Variants in GGA1 observed in about 807,000 individuals in gnomAD.
The protein encoded by GGA1 is golgi associated, gamma adaptin ear containing, ARF binding protein 1, also known as ADP-ribosylation factor-binding protein GGA1.
Under a neutral mutation model 76.9 loss-of-function variants are expected in GGA1, and 18 were observed. The observed-to-expected ratio is 0.23, with a 90% CI of 0.16 to 0.35. GGA1 has a LOEUF of 0.35. GGA1 is among the 10% of genes least tolerant of loss of function. The pLI is 1.00. For missense variants in GGA1, 755 were observed against 859.0 expected, an observed-to-expected ratio of 0.88 and a Z score of 1.51; for synonymous variants, 342 against 354.7, an observed-to-expected ratio of 0.96 and a Z score of 0.40.
intron 4 of GGA1, chr22:37,619,999 C>A: frequency 1.6e-6 from 1 of 620,276 alleles, no homozygotes. Context: ...TCTGCATCCT[C>A]ACCATGGTGC....
chr22:37,608,960 G>T lies in GGA1; in HGVS notation c.43+57G>T, dbSNP rs888513474. The T allele has an allele frequency of 8.2e-6, 11 of 1,334,026 alleles. No individual in the cohort carries two copies. In the African/African-American group the frequency reaches 1.4e-4, roughly 17 times the overall value. The allele number at this position is 1,334,026 out of a possible 1,614,324, so 82.6% of individuals were successfully genotyped here. ...GGAACCGGAACCGGGGGCACGAGGC[G>T]GGCCCCTTCCCGGCGGGGGCGGGGT... On this transcript the variant is annotated intron_variant, in intron 1 of 16. Coordinates refer to ENST00000343632, the MANE Select transcript of GGA1 (RefSeq NM_013365.5).
Position 37,624,822 on chromosome 22 carries a change from G to A in GGA1, c.833-147G>A. 9.1e-7 allele frequency: 1 copy of A among 1,104,366 alleles called. No individual in the cohort carries two copies. Among genetic ancestry groups the A allele is most frequent in the Non-Finnish European group, 1.3e-6 (1 of 787,342 alleles). 68.4% of individuals were successfully genotyped at this position (1,104,366 alleles called of 1,614,324 possible). A position where few individuals can be genotyped will look rare whatever the true frequency, so the allele number is the denominator to read the frequency against. ...AGACCAGGGAGGTGGCGGAGGGCCA[G>A]AGTCTCAGCAGACGAGATGGGCTGT... On this transcript the variant is annotated intron_variant, in intron 9 of 16. Transcript: ENST00000343632. This position sits in a 1 kb window ranked among gnomAD's most constrained non-coding sequence, Gnocchi z 4.3.
intron 1 of GGA1, among the ~76,000 whole-genome samples, chr22:37,611,853 T>C (rs1447599922): frequency 3.9e-5 from 6 of 152,242 alleles, no homozygotes; most frequent in Non-Finnish European, 8.8e-5. Flanking sequence ...TATTTTGTCA[T>C]CCAAAATCAA....
chr22:37,629,624 T>TTGAGTAG, intron 12 of GGA1, 98 bp downstream of exon 12: 1 of 749,254 alleles, frequency 1.3e-6, no homozygotes, highest in Non-Finnish European at 2.1e-6. Context: ...GGATGGGCTC[T>TTGAGTAG]ACTCAAGAGC....
chr22:37,617,116 G>A lies in GGA1; in HGVS notation c.204+119G>A, dbSNP rs894069304. The A allele has an allele frequency of 1.6e-5, 24 of 1,522,526 alleles. No homozygotes were observed. The Admixed American group carries it at 5.0e-4, about 32-fold the overall frequency. 94.3% of individuals were successfully genotyped at this position (1,522,526 alleles called of 1,614,324 possible). A position where few individuals can be genotyped will look rare whatever the true frequency, so the allele number is the denominator to read the frequency against. The stretch of plus-strand genomic sequence containing the variant: ...GAGCCCAAGAGAGTTGTGCTAAGAT[G>A]GCCCAGGATGGAGGTCCGGGCCTGC... On this transcript the variant is annotated intron_variant, in intron 3 of 16. Transcript: ENST00000343632.
In GGA1 at chr22:37,614,299, G is replaced by T. The variant is rs1254131355; in HGVS notation, c.128+25G>T. 3 of 1,461,146 alleles carry T rather than the reference G, an allele frequency of 2.1e-6. No homozygotes were observed. In the African/African-American group the frequency reaches 4.2e-5, roughly 20 times the overall value. 90.5% of individuals were successfully genotyped at this position (1,461,146 alleles called of 1,614,324 possible). ...GGTAGGTGGCCGTCCCCACTTGTTT[G>T]CACTGCCCTGCACTCTCCAGAACCC... is the stretch of plus-strand genomic sequence containing the variant. On this transcript the variant is annotated intron_variant, in intron 2 of 16. Coordinates refer to ENST00000343632, the MANE Select transcript of GGA1 (RefSeq NM_013365.5).
intron 11 of GGA1, among the ~76,000 whole-genome samples, chr22:37,628,996 C>T (rs991682935): frequency 2.0e-5 from 3 of 152,224 alleles, no homozygotes; most frequent in East Asian, 1.9e-4. Context: ...GCCCTGTCCT[C>T]GTATTCTTGG....
Position 37,625,050 on chromosome 22 carries a change from G to A in GGA1, c.914G>A (p.Gly305Asp), listed in dbSNP as rs776262011. Reference sequence around the variant, plus strand: ...CTGGTGCGGGGTGAGGAGGTCAACGGTGATGCCACAGCCGGCTCCATCCCT... The same window carrying A: ...CTGGTGCGGGGTGAGGAGGTCAACGATGATGCCACAGCCGGCTCCATCCCT... The part of the protein sequence containing the change: ...KQLVRGEEVN[G>D]DATAGSIPGS... Residue 305 changes from glycine (G) to aspartate (D), a missense_variant, in exon 10 of 17, where the codon GGT (glycine) becomes GAT (aspartate). Gly to Asp is a moderately conservative substitution (Grantham distance 94). Transcript: ENST00000343632. The surrounding 1 kb of genome is among the most constrained non-coding windows in gnomAD (Gnocchi z 4.1). The A allele has an allele frequency of 2.5e-6, 4 of 1,599,528 alleles. No homozygotes were observed. Among genetic ancestry groups the A allele is most frequent in the Non-Finnish European group, 3.4e-6 (4 of 1,173,760 alleles).
intron 2 of GGA1, among the ~76,000 whole-genome samples, chr22:37,615,909 C>T (rs971076148): frequency 4.0e-5 from 6 of 151,454 alleles, no homozygotes; most frequent in Non-Finnish European, 8.8e-5. Flanking sequence ...GGCACGATCT[C>T]GGCTCACTGC....
intron 7 of GGA1, 86 bp downstream of exon 7, chr22:37,621,782 A>C: frequency 1.2e-6 from 1 of 855,852 alleles, no homozygotes. Flanking sequence ...GCATCTTCAC[A>C]TGGAAGGAGC....
Position 37,616,928 on chromosome 22 carries a change from A to G in GGA1, c.135A>G (p.Pro45=). 6.2e-7 allele frequency: 1 copy of G among 1,605,262 alleles called. No homozygotes were observed. The highest frequency in any genetic ancestry group is 8.5e-7 in the Non-Finnish European group (1 of 1,176,234). ...TGTTGTTCCTCCCACCCAGGCCTCC[A>G]CTCGCCACCCGGCTGCTGGCCCACA... is the stretch of plus-strand genomic sequence containing the variant. ...EQLNEDFEGP[P]LATRLLAHKI... is the part of the protein sequence containing the mutation. Residue 45 remains proline (P), a synonymous_variant, in exon 3 of 17, where the codon CCA becomes CCG. Coordinates refer to ENST00000343632, the MANE Select transcript of GGA1 (RefSeq NM_013365.5).
At chr22:37,615,525 G>C (rs1292636872) in intron 2 of GGA1, among the ~76,000 whole-genome samples, 1 of 152,066 alleles carries the variant, frequency 6.6e-6, no homozygotes, top group African/African-American at 2.4e-5. Flanking sequence ...CAGCACTCTG[G>C]GAGGCTGAGG....
At chr22:37,621,233 C>T (rs1259918920) in intron 6 of GGA1, among the ~76,000 whole-genome samples, 2 of 152,132 alleles carry the variant, frequency 1.3e-5, no homozygotes, top group African/African-American at 4.8e-5. Flanking sequence ...AAAAGTTAAA[C>T]AGCCCAGGAG....
chr22:37,628,873 A>G (rs1485290111), intron 11 of GGA1, among the ~76,000 whole-genome samples: 12 of 152,182 alleles, frequency 7.9e-5, no homozygotes, highest in Admixed American at 7.9e-4. Context: ...CCTCCTTCCC[A>G]TCGGCAGCTA....
chr22:37,612,783 A>G (rs901905572), intron 1 of GGA1: 44 of 443,208 alleles, frequency 9.9e-5, no homozygotes, highest in Non-Finnish European at 1.3e-4. Flanking sequence ...AAAAAAAAAA[A>G]AAAATCCATA....
Position 37,624,858 on chromosome 22 carries a change from C to T in GGA1, c.833-111C>T. On this transcript the variant is annotated intron_variant, in intron 9 of 16. Coordinates refer to ENST00000343632, the MANE Select transcript of GGA1 (RefSeq NM_013365.5). The surrounding 1 kb of genome is among the most constrained non-coding windows in gnomAD (Gnocchi z 4.3). ...GACGAGATGGGCTGTTTCCCTGCCC[C>T]TTTCCCTTCCCCTCACACACAGGCT... 1 of 1,446,324 alleles carries T rather than the reference C, an allele frequency of 6.9e-7. No homozygotes were observed. The highest frequency in any genetic ancestry group is 2.2e-5 in the Admixed American group (1 of 46,172). The allele number at this position is 1,446,324 out of a possible 1,614,324, so 89.6% of individuals were successfully genotyped here.
Position 37,632,505 on chromosome 22 carries a change from A to G in GGA1, c.1799A>G (p.Asn600Ser). Reference protein sequence around the residue: ...SAITQVLLLANPQKEKVRLRY... With the variant: ...SAITQVLLLASPQKEKVRLRY... Reference sequence around the variant, plus strand: ...ATCACCCAGGTCCTGCTGCTTGCCAACCCCCAGAAGGTAAGGGGCCCCCAG... The same window carrying G: ...ATCACCCAGGTCCTGCTGCTTGCCAGCCCCCAGAAGGTAAGGGGCCCCCAG... The change falls in exon 16 of 17, where the codon AAC becomes AGC. Residue 600 changes from asparagine (N) to serine (S), a missense_variant. By Grantham distance (46) the Asn-to-Ser change is conservative. Transcript: ENST00000343632. This position sits in a 1 kb window ranked among gnomAD's most constrained non-coding sequence, Gnocchi z 5.1. 6.2e-7 allele frequency: 1 copy of G among 1,612,320 alleles called. No homozygotes were observed. Among genetic ancestry groups the G allele is most frequent in the Non-Finnish European group, 8.5e-7 (1 of 1,178,590 alleles).
rs1568980843 is a variant in GGA1 at position 37,620,801 on chromosome 22, C to T, written c.428-12C>T. ...ACATATTGACAGCCTTTCTGACACT[C>T]ATCTAATCCAGGGATTGTAAAGTCC... is the stretch of plus-strand genomic sequence containing the variant. On this transcript the variant is annotated splice_polypyrimidine_tract_variant and intron_variant, in intron 5 of 16. Transcript: ENST00000343632. 7 of 1,530,808 alleles carry T rather than the reference C, an allele frequency of 4.6e-6. No individual in the cohort carries two copies. The highest frequency in any genetic ancestry group is 1.7e-4 in the Middle Eastern group (1 of 5,868). 94.8% of individuals were successfully genotyped at this position (1,530,808 alleles called of 1,614,324 possible).
rs753485160 is a variant in GGA1 at position 37,624,945 on chromosome 22, C to A, written c.833-24C>A. 2.6e-5 allele frequency: 41 copies of A among 1,558,224 alleles called. No homozygotes were observed. The highest frequency in any genetic ancestry group is 3.6e-5 in the Non-Finnish European group (41 of 1,151,084). On this transcript the variant is annotated intron_variant, in intron 9 of 16. Transcript: ENST00000343632. The surrounding 1 kb of genome is among the most constrained non-coding windows in gnomAD (Gnocchi z 4.3). ...AGGCCCCCACAGTCCTTCAGCCTGG[C>A]CTCTCCCCTCCTGCCTGTTCCAGCG...
Sources: allele counts gnomAD v4.1 joint callset (sites outside exome capture counted in the v4.1 genomes callset), GRCh38; gene constraint gnomAD v4.1.1; non-coding constraint Gnocchi (gnomAD v3.1); transcripts MANE v1.5; gene names NCBI Gene and HGNC (gene_info 2026-07-23, HGNC 2026-07-21).